Variants in ZNF814 observed in about 807,000 individuals in gnomAD.
ZNF814 encodes the protein zinc finger protein 814.
ZNF814 carries 5 observed loss-of-function variants against 7.5 expected under a neutral mutation model. The ratio of observed to expected loss-of-function variants is 0.67; its 90% confidence interval spans 0.35 to 1.40. ZNF814 has a LOEUF of 1.40. Among genes scored for constraint, ZNF814 ranks in the 40% most tolerant of loss-of-function variants. The probability of loss-of-function intolerance (pLI) is 0.04; values close to 1 mark genes in which losing one functional copy is unlikely to be tolerated. For missense variants in ZNF814, 962 were observed against 1,018.0 expected (o/e 0.94, Z 0.75); for synonymous variants, 315 against 340.7 (o/e 0.92, Z 0.83).
intron 1 of ZNF814, among the ~76,000 whole-genome samples, chr19:57,879,485 G>C (rs1476266873): frequency 6.7e-6 from 1 of 148,888 alleles, no homozygotes; most frequent in Non-Finnish European, 1.5e-5. Flanking sequence ...CAGGGACCCA[G>C]GCAAAACATC....
At chr19:57,875,693 G>T (rs1485103040) in intron 2 of ZNF814, among the ~76,000 whole-genome samples, 1 of 152,088 alleles carries the variant, frequency 6.6e-6, no homozygotes, top group Non-Finnish European at 1.5e-5. Context: ...ATGAGATCTG[G>T]GGCCCAGAGA....
At chr19:57,900,998 C>T in the ZNF814 span, among the ~76,000 whole-genome samples, 14 of 151,936 alleles carry the variant, frequency 9.2e-5, no homozygotes, top group East Asian at 2.3e-3. Flanking sequence ...AGGCACCCGC[C>T]GCTGCGCCCG....
the ZNF814 span, among the ~76,000 whole-genome samples, chr19:57,902,039 A>C: frequency 6.6e-6 from 1 of 152,296 alleles, no homozygotes; most frequent in South Asian, 2.1e-4. Context: ...GATGCTTACA[A>C]ATTGGCACAC....
In ZNF814 at chr19:57,888,919, CCA is replaced by C; in HGVS notation, c.-119_-118del. 3.5e-6 allele frequency: 4 copies of C among 1,131,450 alleles called. No homozygotes were observed. In the South Asian group the frequency reaches 5.6e-5, roughly 16 times the overall value. 70.1% of individuals were successfully genotyped at this position (1,131,450 alleles called of 1,614,324 possible). A position where few individuals can be genotyped will look rare whatever the true frequency, so the allele number is the denominator to read the frequency against. On this transcript the variant is annotated 5_prime_UTR_variant, in exon 1 of 3. Coordinates refer to ENST00000435989, the MANE Select transcript of ZNF814 (RefSeq NM_001144989.2). ...TCACGCTGGGCGCCGTCACAGAGCT[CCA>C]GAGTAGCCTCTGTGCAGCGGAGGAC...
Position 57,873,538 on chromosome 19 carries a change from T to C in ZNF814, c.1852A>G (p.Ser618Gly), listed in dbSNP as rs767086549. The C allele has an allele frequency of 1.9e-6, 3 of 1,614,146 alleles. No individual in the cohort carries two copies. Among genetic ancestry groups the C allele is most frequent in the Non-Finnish European group, 2.5e-6 (3 of 1,179,998 alleles). ...ECGKSFSHKR[S>G]LVHHQRMHTG... Reference sequence around the variant, plus strand: ...TGCATGCGCTGATGGTGAACAAGGCTGCGCTTATGACTAAAAGATTTCCCA... The same window carrying C: ...TGCATGCGCTGATGGTGAACAAGGCCGCGCTTATGACTAAAAGATTTCCCA... The change falls in exon 3 of 3, where the codon AGC (serine) becomes GGC (glycine). Residue 618 changes from serine (S) to glycine (G), a missense_variant. By Grantham distance (56) the Ser-to-Gly change is moderately conservative. Transcript: ENST00000435989.
chr19:57,873,589 C>A lies in ZNF814; in HGVS notation c.1801G>T (p.Glu601Ter). 3.1e-6 allele frequency: 5 copies of A among 1,613,796 alleles called. No homozygotes were observed. Among genetic ancestry groups the A allele is most frequent in the Non-Finnish European group, 4.2e-6 (5 of 1,179,942 alleles). ...LRSHQRVHTG[E>*]RPYECGECGK... The stretch of plus-strand genomic sequence containing the variant: ...CATTCTCCACACTCATAAGGCCTCT[C>A]TCCAGTATGAACGCGCTGATGGCTC... The change falls in exon 3 of 3, where the codon GAG becomes TAG. Residue 601 changes from glutamate (E) to a stop codon, truncating the protein, a stop_gained. Transcript: ENST00000435989. LOFTEE classifies it low-confidence loss of function (END_TRUNC).
chr19:57,888,153 G>A (rs1257348374), intron 1 of ZNF814, among the ~76,000 whole-genome samples: 1 of 152,176 alleles, frequency 6.6e-6, no homozygotes, highest in Non-Finnish European at 1.5e-5. Context: ...GGGTACAACA[G>A]TGTTATGTTT....
chr19:57,902,275 G>C, the ZNF814 span, among the ~76,000 whole-genome samples: 1 of 152,190 alleles, frequency 6.6e-6, no homozygotes, highest in Non-Finnish European at 1.5e-5. Context: ...AATTCCTATG[G>C]AATCGTCATT....
chr19:57,898,522 G>A, the ZNF814 span, among the ~76,000 whole-genome samples: 6 of 152,208 alleles, frequency 3.9e-5, no homozygotes, highest in African/African-American at 1.4e-4. Context: ...TGCCAAACCA[G>A]TTTGGGTGGA....
chr19:57,884,766 G>T (rs1353147507), intron 1 of ZNF814, among the ~76,000 whole-genome samples: 3 of 152,158 alleles, frequency 2.0e-5, no homozygotes, highest in Non-Finnish European at 4.4e-5. Context: ...ACAAATGCTG[G>T]TGAGGATGTG....
upstream of ZNF814, among the ~76,000 whole-genome samples, chr19:57,889,890 A>ATAAAT (rs2071725121): frequency 6.6e-6 from 1 of 151,932 alleles, no homozygotes; most frequent in Admixed American, 6.6e-5. Context: ...TAAAAATAAA[A>ATAAAT]AAATAAATAA....
upstream of ZNF814, among the ~76,000 whole-genome samples, chr19:57,893,547 C>G (rs2071743309): frequency 6.6e-6 from 1 of 151,576 alleles, no homozygotes; most frequent in South Asian, 2.1e-4. Flanking sequence ...GAGGCAGAGG[C>G]AGGTGGATCA....
intron 1 of ZNF814, among the ~76,000 whole-genome samples, chr19:57,887,270 T>A (rs905529824): frequency 1.3e-5 from 2 of 152,192 alleles, no homozygotes; most frequent in Non-Finnish European, 2.9e-5. Flanking sequence ...CACTATCAGT[T>A]CTCACCAGAG....
intron 1 of ZNF814, 45 bp downstream of exon 1, chr19:57,888,722 G>A (rs2071713798): frequency 6.4e-7 from 1 of 1,551,884 alleles, no homozygotes; most frequent in South Asian, 1.2e-5. Context: ...GCTGCTTTTG[G>A]GTGACGATGA....
chr19:57,890,621 G>C (rs1231506576), upstream of ZNF814, among the ~76,000 whole-genome samples: 1 of 152,124 alleles, frequency 6.6e-6, no homozygotes, highest in African/African-American at 2.4e-5. Context: ...TTACCCATCT[G>C]AGTGGTGCCA....
the ZNF814 span, among the ~76,000 whole-genome samples, chr19:57,894,989 CAG>C: frequency 6.6e-6 from 1 of 152,134 alleles, no homozygotes. Flanking sequence ...AGAAGGCACA[CAG>C]GGGAAGAGTA....
chr19:57,903,752 C>T, the ZNF814 span, among the ~76,000 whole-genome samples: 1 of 152,224 alleles, frequency 6.6e-6, no homozygotes, highest in Non-Finnish European at 1.5e-5. Flanking sequence ...CTTGTGCTGT[C>T]TCCTTTTAAT....
At position 57,873,351 on chromosome 19, in the gene ZNF814, T is replaced by C; in HGVS notation, c.2039A>G (p.His680Arg). ...SHKGNLILHQ[H>R]GHTGERPYVC... is the part of the protein sequence containing the mutation. ...ATAAGGTCTTTCTCCAGTATGGCCA[T>C]GCTGGTGTAGAATGAGGTTACCCTT... The change falls in exon 3 of 3, where the codon CAT becomes CGT. Residue 680 changes from histidine (H) to arginine (R), a missense_variant. Transcript: ENST00000435989. 1.3e-6 allele frequency: 2 copies of C among 1,597,516 alleles called. No individual in the cohort carries two copies. Among genetic ancestry groups the C allele is most frequent in the Non-Finnish European group, 1.7e-6 (2 of 1,171,756 alleles).
intron 1 of ZNF814, among the ~76,000 whole-genome samples, chr19:57,878,447 C>G (rs2071625673): frequency 6.6e-6 from 1 of 151,154 alleles, no homozygotes; most frequent in Non-Finnish European, 1.5e-5. Context: ...GCTTCAGAGG[C>G]TAGGATACAT....
Sources: gnomAD v4.1 joint callset for allele counts (sites outside exome capture counted in the v4.1 genomes callset) on GRCh38, gnomAD v4.1.1 for gene constraint, MANE v1.5 for transcripts, NCBI Gene and HGNC (gene_info 2026-07-23, HGNC 2026-07-21) for gene names.